Variants in LAMC1 observed in about 807,000 individuals in gnomAD.
LAMC1 encodes the protein laminin subunit gamma 1, also known as laminin subunit gamma-1.
LAMC1 carries 38 observed loss-of-function variants against 173.6 expected under a neutral mutation model. That is an observed-to-expected ratio of 0.22 (90% CI 0.17 to 0.29). The LOEUF (loss-of-function observed/expected upper bound fraction) is 0.29. Among genes scored for constraint, LAMC1 ranks in the 10% least tolerant of loss-of-function variants. The pLI is 1.00. For synonymous variants in LAMC1, 746 were observed against 749.1 expected (o/e 1.00, Z 0.07); for missense variants, 1,824 against 2,051.8 (o/e 0.89, Z 2.14).
rs79002504 is a variant in LAMC1, at chr1:183,127,068, C to A, written c.2945-158C>A. On this transcript the variant is annotated intron_variant, in intron 16 of 27. Coordinates refer to ENST00000258341, the MANE Select transcript of LAMC1 (RefSeq NM_002293.4). ...AAAAATGTCAGTTTTCTCTGCTAAA[C>A]AGACTTAGCCATTTAAGATCTCATA... Among the ~76,000 whole-genome samples, 199 of 152,218 alleles carry A rather than the reference C, an allele frequency of 1.3e-3. 3 individuals are homozygous for A. In the East Asian group the frequency reaches 0.019, roughly 14 times the overall value.
intron 26 of LAMC1, among the ~76,000 whole-genome samples, chr1:183,139,278 A>G (rs1284760078): frequency 6.6e-6 from 1 of 152,154 alleles, no homozygotes; most frequent in African/African-American, 2.4e-5. Context: ...CACATGCACT[A>G]TCTCATTTGT....
At chr1:183,108,628 TG>T (rs1558050517) in intron 3 of LAMC1, among the ~76,000 whole-genome samples, 4 of 152,230 alleles carry the variant, frequency 2.6e-5, no homozygotes, top group African/African-American at 9.6e-5. Flanking sequence ...AAACTAAGCA[TG>T]TAGGTTTTCC....
intron 1 of LAMC1, among the ~76,000 whole-genome samples, chr1:183,036,244 A>G (rs889520547): frequency 3.3e-5 from 5 of 151,578 alleles, no homozygotes; most frequent in African/African-American, 9.7e-5. Flanking sequence ...GATTACAGGC[A>G]CTTGCCACTG....
chr1:183,023,935 C>G lies in LAMC1; in HGVS notation c.219C>G (p.Pro73=). 1 of 1,613,220 alleles carries G rather than the reference C, an allele frequency of 6.2e-7. No homozygotes were observed. Among genetic ancestry groups the G allele is most frequent in the Non-Finnish European group, 8.5e-7 (1 of 1,179,940 alleles). Reference sequence around the variant, plus strand: ...CCACCAACACGTGTGGGACTCCGCCCGAGGAATACTGTGTGCAGACCGGGG... The same window carrying G: ...CCACCAACACGTGTGGGACTCCGCCGGAGGAATACTGTGTGCAGACCGGGG... ...VVATNTCGTP[P]EEYCVQTGVT... is the part of the protein sequence containing the mutation. Residue 73 remains proline (P), a synonymous_variant, in exon 1 of 28, where the codon CCC becomes CCG. Coordinates refer to ENST00000258341, the MANE Select transcript of LAMC1 (RefSeq NM_002293.4).
In LAMC1 at chr1:183,103,554, C is replaced by T; in HGVS notation, c.645C>T (p.Leu215=). ...ATGAATTCAGTGACATTTCTCCCCT[C>T]ACTGGGGGCAACGTGGCCTTTTCTA... is the stretch of plus-strand genomic sequence containing the variant. The part of the protein sequence containing the change: ...CTDEFSDISP[L]TGGNVAFSTL... Residue 215 remains leucine, a synonymous_variant, in exon 2 of 28, where the codon CTC becomes CTT. Transcript: ENST00000258341. 4 of 1,613,230 alleles carry T rather than the reference C, an allele frequency of 2.5e-6. No homozygotes were observed. Among genetic ancestry groups the T allele is most frequent in the Non-Finnish European group, 3.4e-6 (4 of 1,179,340 alleles).
intron 1 of LAMC1, among the ~76,000 whole-genome samples, chr1:183,024,552 T>TA (rs1166644879): frequency 6.6e-6 from 1 of 152,224 alleles, no homozygotes; most frequent in Non-Finnish European, 1.5e-5. Flanking sequence ...CTTTCGCCTT[T>TA]AAAATGTTTA....
chr1:183,128,920 A>T, intron 18 of LAMC1, 170 bp downstream of exon 18: 1 of 417,226 alleles, frequency 2.4e-6, no homozygotes, highest in Non-Finnish European at 4.1e-6. Flanking sequence ...CAACCTGACA[A>T]ATTTACTGCT....
intron 13 of LAMC1, among the ~76,000 whole-genome samples, chr1:183,123,661 T>C (rs1656542213): frequency 6.6e-6 from 1 of 152,170 alleles, no homozygotes; most frequent in Non-Finnish European, 1.5e-5. Context: ...ATCATGCTGC[T>C]CTATTTTGTT....
In LAMC1 at chr1:183,116,541, C is replaced by T. The variant is rs752553180; in HGVS notation, c.1329-36C>T. 8 of 1,403,634 alleles carry T rather than the reference C, an allele frequency of 5.7e-6. No homozygotes were observed. In the Admixed American group the frequency reaches 1.5e-4, roughly 26 times the overall value. 86.9% of individuals were successfully genotyped at this position (1,403,634 alleles called of 1,614,324 possible). A position where few individuals can be genotyped will look rare whatever the true frequency, so the allele number is the denominator to read the frequency against. On this transcript the variant is annotated intron_variant, in intron 6 of 27. Coordinates refer to ENST00000258341, the MANE Select transcript of LAMC1 (RefSeq NM_002293.4). ...GACTTGAAGAGTGGAAGTTTTCTCC[C>T]TTCTCTGATTGTTTTATCCATTTTT...
At chr1:183,047,621 A>G (rs1484842934) in intron 1 of LAMC1, among the ~76,000 whole-genome samples, 1 of 152,216 alleles carries the variant, frequency 6.6e-6, no homozygotes. Context: ...GGGGATAGAT[A>G]GACCCATGTG....
At position 183,126,177 on chromosome 1, in the gene LAMC1, G is replaced by T. The variant is rs1210743766; in HGVS notation, c.2859G>T (p.Gln953His). Residue 953 changes from glutamine to histidine, a missense_variant, in exon 16 of 28, where the codon CAG (glutamine) becomes CAT (histidine). Physicochemically the swap from Gln to His is conservative, Grantham distance 24. Transcript: ENST00000258341. ...TNGQCDIRTG[Q>H]CECQPGITGQ... ...GGCAGTGTGACATCCGCACCGGCCA[G>T]TGTGAGTGCCAGCCCGGCATCACTG... 6.2e-7 allele frequency: 1 copy of T among 1,614,222 alleles called. No individual in the cohort carries two copies. The highest frequency in any genetic ancestry group is 8.5e-7 in the Non-Finnish European group (1 of 1,180,036).
chr1:183,107,047 AT>A (rs1220638040), intron 2 of LAMC1, among the ~76,000 whole-genome samples: 1 of 152,212 alleles, frequency 6.6e-6, no homozygotes, highest in Non-Finnish European at 1.5e-5. Flanking sequence ...TCTGCCTAAA[AT>A]TAGCTCAGTG....
chr1:183,086,734 A>G (rs1411766802), intron 1 of LAMC1, among the ~76,000 whole-genome samples: 5 of 152,250 alleles, frequency 3.3e-5, no homozygotes, highest in African/African-American at 1.2e-4. Context: ...GACTGAGTAC[A>G]GAATATTGGC....
Position 183,115,500 on chromosome 1 carries a change from A to G in LAMC1, c.1211-20A>G. On this transcript the variant is annotated intron_variant, in intron 5 of 27. Transcript: ENST00000258341. ...TATCTGGCCGAATTTTTGTTTGACA[A>G]TAGGCATTTTACATTTTAGGCTCTC... is the stretch of plus-strand genomic sequence containing the variant. 1.3e-6 allele frequency: 2 copies of G among 1,555,994 alleles called. No individual in the cohort carries two copies. Among genetic ancestry groups the G allele is most frequent in the Non-Finnish European group, 1.8e-6 (2 of 1,127,956 alleles).
intron 1 of LAMC1, among the ~76,000 whole-genome samples, chr1:183,037,307 T>C (rs559933382): frequency 1.3e-5 from 2 of 151,688 alleles, no homozygotes; most frequent in African/African-American, 4.8e-5. Context: ...CCTTTCTGCC[T>C]TATCCATGAC....
At chr1:183,124,155 T>C (rs978546874) in intron 13 of LAMC1, among the ~76,000 whole-genome samples, 3 of 152,216 alleles carry the variant, frequency 2.0e-5, no homozygotes, top group Admixed American at 6.5e-5. Flanking sequence ...TCTGTACCAA[T>C]TGATACTGAT....
chr1:183,053,568 C>G lies in LAMC1; in HGVS notation c.418+29434C>G, dbSNP rs117682452. Among the ~76,000 whole-genome samples, 239 of 152,022 alleles carry G rather than the reference C, an allele frequency of 1.6e-3. 4 individuals are homozygous for G. The East Asian group carries it at 0.038, about 24-fold the overall frequency. On this transcript the variant is annotated intron_variant, in intron 1 of 27. Transcript: ENST00000258341. ...GACTGCATTGGTGGCTGAATCTGAT[C>G]AGAACATTTACATTTTGTGAAGATC...
chr1:183,081,549 A>AAAATAAATAAAT (rs71127333), intron 1 of LAMC1, among the ~76,000 whole-genome samples: 2 of 139,546 alleles, frequency 1.4e-5, no homozygotes, highest in Non-Finnish European at 3.1e-5. Context: ...CTCCGCCTCA[A>AAAATAAATAAAT]AAATAAATAA....
intron 4 of LAMC1, among the ~76,000 whole-genome samples, chr1:183,113,980 G>A (rs1656242564): frequency 6.6e-6 from 1 of 152,176 alleles, no homozygotes; most frequent in African/African-American, 2.4e-5. Context: ...TTACGATGGT[G>A]CTGTTTTTTA....
Sources: allele counts gnomAD v4.1 joint callset (sites outside exome capture counted in the v4.1 genomes callset), GRCh38; gene constraint gnomAD v4.1.1; transcripts MANE v1.5; gene names NCBI Gene and HGNC (gene_info 2026-07-23, HGNC 2026-07-21).